Variants in MARVELD2 observed in about 807,000 individuals in gnomAD.
The protein encoded by MARVELD2 is MARVEL domain containing 2.
MARVELD2 carries 49 observed loss-of-function variants against 57.6 expected under a neutral mutation model. The observed-to-expected ratio is 0.85, with a 90% CI of 0.68 to 1.08. The LOEUF (loss-of-function observed/expected upper bound fraction) is 1.08, where lower values mean the gene tolerates loss of function less well. Among genes scored for constraint, MARVELD2 ranks in the 50% least tolerant of loss-of-function variants. The pLI is 0.00. For synonymous variants in MARVELD2, 238 were observed against 258.8 expected (o/e 0.92, Z 0.77); for missense variants, 606 against 701.1 (o/e 0.86, Z 1.53).
At chr5:69,438,575 G>A (rs1210730756) in intron 5 of MARVELD2, among the ~76,000 whole-genome samples, 1 of 150,058 alleles carries the variant, frequency 6.7e-6, no homozygotes, top group African/African-American at 2.5e-5. Flanking sequence ...TAGCAAGACT[G>A]CATCTACACA....
chr5:69,440,854 G>A (rs759327028), intron 6 of MARVELD2, among the ~76,000 whole-genome samples: 1 of 152,212 alleles, frequency 6.6e-6, no homozygotes, highest in Non-Finnish European at 1.5e-5. Context: ...AAGCCAAGGC[G>A]AGTGGAACGC....
At chr5:69,427,975 G>A (rs1033605284) in intron 3 of MARVELD2, among the ~76,000 whole-genome samples, 1 of 152,070 alleles carries the variant, frequency 6.6e-6, no homozygotes, top group Non-Finnish European at 1.5e-5. Context: ...AGCCAGGCAT[G>A]GTGGTGCATG....
At chr5:69,430,396 T>C (rs946722642) in intron 3 of MARVELD2, among the ~76,000 whole-genome samples, 7 of 151,662 alleles carry the variant, frequency 4.6e-5, no homozygotes, top group African/African-American at 1.7e-4. Context: ...TAATTTTTTT[T>C]GTAGAGACAG....
intron 2 of MARVELD2, among the ~76,000 whole-genome samples, chr5:69,423,648 T>C (rs1766696521): frequency 6.6e-6 from 1 of 152,102 alleles, no homozygotes; most frequent in Non-Finnish European, 1.5e-5. Context: ...ATATTTTAAA[T>C]TTTTTGTAGA....
chr5:69,419,791 C>T lies in MARVELD2; in HGVS notation c.406C>T (p.Pro136Ser). 6.2e-7 allele frequency: 1 copy of T among 1,614,214 alleles called. No homozygotes were observed. The highest frequency in any genetic ancestry group is 8.5e-7 in the Non-Finnish European group (1 of 1,180,046). The change falls in exon 2 of 7, where the codon CCC (proline) becomes TCC (serine). Residue 136 changes from proline (P) to serine (S), a missense_variant. Pro to Ser is a moderately conservative substitution (Grantham distance 74). Coordinates refer to ENST00000325631, the MANE Select transcript of MARVELD2 (RefSeq NM_001038603.3). Reference sequence around the variant, plus strand: ...TTCGCCCCTCAACTCCTGCAAAGATCCCTACGGAGGGTCAGAAGGAACCTT... The same window carrying T: ...TTCGCCCCTCAACTCCTGCAAAGATTCCTACGGAGGGTCAGAAGGAACCTT... ...HRSPLNSCKD[P>S]YGGSEGTFSS...
At position 69,440,467 on chromosome 5, in the gene MARVELD2, A is replaced by G; in HGVS notation, c.1521A>G (p.Ser507=). The part of the protein sequence containing the change: ...SESRQEHERI[S]RIHEEFKKKK... ...ATTTTTAGGAACATGAGAGAATTTC[A>G]AGAATCCATGAAGAGTTTAAGAAAA... Residue 507 remains serine (S), a synonymous_variant, in exon 6 of 7, where the codon TCA becomes TCG. Coordinates refer to ENST00000325631, the MANE Select transcript of MARVELD2 (RefSeq NM_001038603.3). 1 of 1,438,606 alleles carries G rather than the reference A, an allele frequency of 7.0e-7. No homozygotes were observed. The highest frequency in any genetic ancestry group is 9.8e-7 in the Non-Finnish European group (1 of 1,024,922). 89.1% of individuals were successfully genotyped at this position (1,438,606 alleles called of 1,614,324 possible). A position where few individuals can be genotyped will look rare whatever the true frequency, so the allele number is the denominator to read the frequency against.
intron 3 of MARVELD2, among the ~76,000 whole-genome samples, chr5:69,427,249 A>C (rs1766819370): frequency 6.6e-6 from 1 of 152,210 alleles, no homozygotes; most frequent in Admixed American, 6.5e-5. Context: ...AAGCTAGAAA[A>C]GCCGGAATCT....
At chr5:69,420,638 A>C in intron 2 of MARVELD2, 107 bp downstream of exon 2, 1 of 1,102,962 alleles carries the variant, frequency 9.1e-7, no homozygotes, top group Non-Finnish European at 1.3e-6. Flanking sequence ...CTTTCATAGA[A>C]ATCTTTTCTT....
intron 5 of MARVELD2, among the ~76,000 whole-genome samples, chr5:69,439,049 C>T (rs1378478802): frequency 9.0e-6 from 1 of 110,864 alleles, no homozygotes; most frequent in African/African-American, 3.6e-5. Context: ...GGCAACAGAG[C>T]AAGACCCTGT....
At position 69,420,245 on chromosome 5, in the gene MARVELD2, A is replaced by T; in HGVS notation, c.860A>T (p.Asn287Ile). 6.2e-7 allele frequency: 1 copy of T among 1,614,090 alleles called. No individual in the cohort carries two copies. The highest frequency in any genetic ancestry group is 8.5e-7 in the Non-Finnish European group (1 of 1,180,022). ...MYYRTILLDS[N>I]WWPLTEFGIN... ...TACCGGACCATTCTTCTGGACTCTAATTGGTGGCCCCTAACTGAATTTGGA... is the reference window on the plus strand; with the variant it reads ...TACCGGACCATTCTTCTGGACTCTATTTGGTGGCCCCTAACTGAATTTGGA... Residue 287 changes from asparagine (N) to isoleucine (I), a missense_variant, in exon 2 of 7, where the codon AAT becomes ATT. Physicochemically the swap from Asn to Ile is moderately radical, Grantham distance 149. Coordinates refer to ENST00000325631, the MANE Select transcript of MARVELD2 (RefSeq NM_001038603.3).
rs555314542 is a variant in MARVELD2, at chr5:69,420,224, G to A, written c.839G>A (p.Arg280Gln). Reference sequence around the variant, plus strand: ...GTTCTTGGCATGTCCATGTATTACCGGACCATTCTTCTGGACTCTAATTGG... The same window carrying A: ...GTTCTTGGCATGTCCATGTATTACCAGACCATTCTTCTGGACTCTAATTGG... ...ILVLGMSMYYRTILLDSNWWP... is the reference protein window; with the variant it reads ...ILVLGMSMYYQTILLDSNWWP... Residue 280 changes from arginine (R) to glutamine (Q), a missense_variant, in exon 2 of 7, where the codon CGG (arginine) becomes CAG (glutamine). Physicochemically the swap from Arg to Gln is conservative, Grantham distance 43. Transcript: ENST00000325631. 50 of 1,614,068 alleles carry A rather than the reference G, an allele frequency of 3.1e-5. No homozygotes were observed. The South Asian group carries it at 4.3e-4, about 14-fold the overall frequency.
chr5:69,432,273 A>G (rs1766987483), intron 3 of MARVELD2, among the ~76,000 whole-genome samples: 1 of 152,056 alleles, frequency 6.6e-6, no homozygotes. Flanking sequence ...GGTTTCCCAA[A>G]GTGCTGGGAT....
At position 69,420,134 on chromosome 5, in the gene MARVELD2, G is replaced by A; in HGVS notation, c.749G>A (p.Gly250Asp). 6.2e-7 allele frequency: 1 copy of A among 1,614,120 alleles called. No homozygotes were observed. Among genetic ancestry groups the A allele is most frequent in the Non-Finnish European group, 8.5e-7 (1 of 1,180,022 alleles). ...GSMYGGYYYTGPKTPFVLVVA... is the reference protein window; with the variant it reads ...GSMYGGYYYTDPKTPFVLVVA... The stretch of plus-strand genomic sequence containing the variant: ...ATGTATGGGGGCTATTACTACACTG[G>A]CCCTAAGACCCCTTTTGTACTCGTG... The change falls in exon 2 of 7, where the codon GGC (glycine) becomes GAC (aspartate). Residue 250 changes from glycine to aspartate, a missense_variant. By Grantham distance (94) the Gly-to-Asp change is moderately conservative. Coordinates refer to ENST00000325631, the MANE Select transcript of MARVELD2 (RefSeq NM_001038603.3).
intron 6 of MARVELD2, among the ~76,000 whole-genome samples, chr5:69,440,903 C>T (rs890638683): frequency 2.6e-5 from 4 of 152,004 alleles, no homozygotes; most frequent in Admixed American, 2.6e-4. Flanking sequence ...GGCAACATGG[C>T]GAAACCTTGT....
chr5:69,425,855 A>G (rs1766775099), intron 3 of MARVELD2, among the ~76,000 whole-genome samples: 1 of 151,498 alleles, frequency 6.6e-6, no homozygotes, highest in Admixed American at 6.6e-5. Flanking sequence ...CAGCCTCCCG[A>G]GTAGCTGGGA....
intron 2 of MARVELD2, among the ~76,000 whole-genome samples, 187 bp from the exon 3 acceptor site, chr5:69,424,414 A>G (rs1228798752): frequency 1.3e-5 from 2 of 152,168 alleles, no homozygotes; most frequent in Non-Finnish European, 2.9e-5. Context: ...AGGGAATTAC[A>G]GTTATCCCTC....
At chr5:69,430,319 A>T (rs1361485352) in intron 3 of MARVELD2, among the ~76,000 whole-genome samples, 1 of 151,956 alleles carries the variant, frequency 6.6e-6, no homozygotes, top group Non-Finnish European at 1.5e-5. Context: ...GTGAGTCGAG[A>T]TCGTGCCACT....
chr5:69,428,622 AGGG>A, intron 3 of MARVELD2, among the ~76,000 whole-genome samples: 1 of 38,974 alleles, frequency 2.6e-5, no homozygotes. Context: ...TCTTACAATT[AGGG>A]ATGGGCAAGT....
Position 69,441,567 on chromosome 5 carries a change from T to G in MARVELD2, c.1590T>G (p.Asp530Glu). Residue 530 changes from aspartate to glutamate, a missense_variant, in exon 7 of 7, where the codon GAT (aspartate) becomes GAG (glutamate). Coordinates refer to ENST00000325631, the MANE Select transcript of MARVELD2 (RefSeq NM_001038603.3). ...TTCTGGAAAAAAAAGAACGCTGTGA[T>G]TACCTAAAGAATAAACTTTCTCACA... ...PTFLEKKERC[D>E]YLKNKLSHIK... is the part of the protein sequence containing the mutation. 1 of 1,606,114 alleles carries G rather than the reference T, an allele frequency of 6.2e-7. No homozygotes were observed. The highest frequency in any genetic ancestry group is 8.5e-7 in the Non-Finnish European group (1 of 1,173,212).
Sources: allele counts gnomAD v4.1 joint callset (sites outside exome capture counted in the v4.1 genomes callset), GRCh38; gene constraint gnomAD v4.1.1; transcripts MANE v1.5; gene names NCBI Gene and HGNC (gene_info 2026-07-23, HGNC 2026-07-21).